Variants in SLC35F4 observed in about 807,000 individuals in gnomAD.
SLC35F4 encodes the protein solute carrier family 35 member F4, also known as chromosome 14 open reading frame 36.
A neutral mutation model predicts 44.2 loss-of-function variants in SLC35F4; 24 were observed. The ratio of observed to expected loss-of-function variants is 0.54; its 90% CI spans 0.39 to 0.76. SLC35F4 has a LOEUF of 0.76. SLC35F4 is among the 30% of genes least tolerant of loss of function. The pLI is 0.00. For missense variants in SLC35F4, 562 were observed against 586.1 expected (o/e 0.96, Z 0.42); for synonymous variants, 238 against 223.6 (o/e 1.06, Z -0.57).
chr14:57,758,307 CT>C (rs1420313392), intron 1 of SLC35F4, among the ~76,000 whole-genome samples: 1 of 151,842 alleles, frequency 6.6e-6, no homozygotes, highest in Non-Finnish European at 1.5e-5. Context: ...ATATATATGC[CT>C]TTTGAAATTG....
chr14:57,735,338 G>C (rs2076436788), intron 1 of SLC35F4, among the ~76,000 whole-genome samples: 1 of 152,200 alleles, frequency 6.6e-6, no homozygotes, highest in African/African-American at 2.4e-5. Flanking sequence ...TAATTTGTTG[G>C]CTTCAAACGA....
intron 1 of SLC35F4, among the ~76,000 whole-genome samples, chr14:57,814,344 C>A (rs1882328750): frequency 6.6e-6 from 1 of 152,224 alleles, no homozygotes; most frequent in Non-Finnish European, 1.5e-5. Flanking sequence ...AGTTTCTCTG[C>A]TCTAAGTTTA....
chr14:57,981,778 GA>G (rs1325759359), intron 1 of SLC35F4: 2 of 152,132 alleles, frequency 1.3e-5, no homozygotes, highest in African/African-American at 4.8e-5. Context: ...AATTATATTT[GA>G]AATAATAAAC....
At chr14:57,671,686 T>C (rs950695870) in intron 1 of SLC35F4, among the ~76,000 whole-genome samples, 1 of 151,950 alleles carries the variant, frequency 6.6e-6, no homozygotes, top group Non-Finnish European at 1.5e-5. Context: ...TGAAACTCCT[T>C]CTGCTTGAAA....
intron 1 of SLC35F4, among the ~76,000 whole-genome samples, chr14:57,770,812 G>T (rs565152414): frequency 6.6e-6 from 1 of 152,110 alleles, no homozygotes; most frequent in Non-Finnish European, 1.5e-5. Flanking sequence ...ATTTATTATC[G>T]TGTAAGTTAC....
intron 1 of SLC35F4, among the ~76,000 whole-genome samples, chr14:57,896,426 G>T (rs1461972260): frequency 6.6e-6 from 1 of 152,130 alleles, no homozygotes; most frequent in Non-Finnish European, 1.5e-5. Context: ...AGATCAAAAT[G>T]CGTTTTCATT....
At chr14:57,575,796 C>G (rs2068752954) in intron 4 of SLC35F4, among the ~76,000 whole-genome samples, 2 of 152,104 alleles carry the variant, frequency 1.3e-5, no homozygotes, top group South Asian at 4.1e-4. Context: ...CAGAAGGGAT[C>G]CGTGTGGCCA....
At chr14:57,635,343 G>C (rs1456866729) in intron 1 of SLC35F4, among the ~76,000 whole-genome samples, 1 of 152,022 alleles carries the variant, frequency 6.6e-6, no homozygotes, top group African/African-American at 2.4e-5. Context: ...GCGAGAGAGA[G>C]GAGTACTCAC....
chr14:57,749,901 AT>A (rs1384678573), intron 1 of SLC35F4, among the ~76,000 whole-genome samples: 2 of 152,160 alleles, frequency 1.3e-5, no homozygotes, highest in African/African-American at 4.8e-5. Context: ...TCTAATGTTA[AT>A]TTTTTAATTT....
chr14:57,917,993 G>T (rs187282622), intron 1 of SLC35F4, among the ~76,000 whole-genome samples: 11 of 152,302 alleles, frequency 7.2e-5, no homozygotes, highest in East Asian at 3.9e-4. Context: ...CTATGTGGAA[G>T]TCTGGAGCTG....
chr14:57,971,927 A>G (rs1318307631), downstream of SLC35F4, among the ~76,000 whole-genome samples: 1 of 152,236 alleles, frequency 6.6e-6, no homozygotes, highest in Non-Finnish European at 1.5e-5. Flanking sequence ...ACAAACAAGA[A>G]GCCGAGATGG....
In SLC35F4 at chr14:57,593,955, C is replaced by T; in HGVS notation, c.273G>A (p.Glu91=). ...CCCACATACCTGATCTGTTCTGTCTCTCAACTCTGTGTCCACAAACTCCTG... is the reference window on the plus strand; with the variant it reads ...CCCACATACCTGATCTGTTCTGTCTTTCAACTCTGTGTCCACAAACTCCTG... ...GSSGVCGHRV[E]RQNRSADDGT... Residue 91 remains glutamate (E), a synonymous_variant, in exon 2 of 8, where the codon GAG becomes GAA. Coordinates refer to ENST00000556826, the MANE Select transcript of SLC35F4 (RefSeq NM_001306087.2). 1 of 1,613,836 alleles carries T rather than the reference C, an allele frequency of 6.2e-7. No homozygotes were observed. Among genetic ancestry groups the T allele is most frequent in the Non-Finnish European group, 8.5e-7 (1 of 1,179,842 alleles).
At chr14:57,953,003 G>A (rs1890168737) in intron 1 of SLC35F4, among the ~76,000 whole-genome samples, 1 of 152,064 alleles carries the variant, frequency 6.6e-6, no homozygotes, top group Non-Finnish European at 1.5e-5. Context: ...CACCAAGGTT[G>A]AAATGAAGGA....
At chr14:57,788,898 C>T (rs1473525062) in intron 1 of SLC35F4, among the ~76,000 whole-genome samples, 2 of 152,160 alleles carry the variant, frequency 1.3e-5, no homozygotes, top group East Asian at 3.8e-4. Flanking sequence ...AAACAACCTG[C>T]TCCTGAATGA....
intron 1 of SLC35F4, among the ~76,000 whole-genome samples, chr14:57,859,640 T>C (rs1463086768): frequency 1.3e-5 from 2 of 152,224 alleles, no homozygotes; most frequent in African/African-American, 4.8e-5. Context: ...TGAACACATC[T>C]GCACTGTAGG....
chr14:57,944,695 AAAAGAAAGAAAG>A (rs141697627), intron 1 of SLC35F4, among the ~76,000 whole-genome samples: 8,085 of 115,964 alleles, frequency 0.07, 286 homozygotes, highest in African/African-American at 0.087. Flanking sequence ...AGAAAGAAAG[AAAAGAAAGAAAG>A]AAAGAAAGAA....
At chr14:57,697,846 T>C (rs2075428716) in intron 1 of SLC35F4, among the ~76,000 whole-genome samples, 1 of 152,194 alleles carries the variant, frequency 6.6e-6, no homozygotes, top group African/African-American at 2.4e-5. Context: ...TGTATACATA[T>C]AGACATACAC....
At chr14:57,711,035 T>G (rs1227835879) in intron 1 of SLC35F4, among the ~76,000 whole-genome samples, 2 of 152,100 alleles carry the variant, frequency 1.3e-5, no homozygotes, top group East Asian at 1.9e-4. Flanking sequence ...AATTATATGG[T>G]TTGGCTGTGT....
chr14:57,657,830 G>T (rs1043911086), intron 1 of SLC35F4, among the ~76,000 whole-genome samples: 2 of 152,164 alleles, frequency 1.3e-5, no homozygotes, highest in African/African-American at 4.8e-5. Flanking sequence ...GATTGGGAAG[G>T]TGCCTAAAGA....
Sources: gnomAD v4.1 joint callset for allele counts (sites outside exome capture counted in the v4.1 genomes callset) on GRCh38, gnomAD v4.1.1 for gene constraint, MANE v1.5 for transcripts, NCBI Gene and HGNC (gene_info 2026-07-23, HGNC 2026-07-21) for gene names.